The following MKRN2OS variants were observed in gnomAD, a reference collection of about 807,000 sequenced individuals.
MKRN2OS encodes the protein MKRN2 opposite strand protein.
In MKRN2OS, 17 loss-of-function variants were observed where a neutral mutation model predicts 18.2. The ratio of observed to expected loss-of-function variants is 0.93; its 90% CI spans 0.64 to 1.40. The LOEUF (loss-of-function observed/expected upper bound fraction) is 1.40. Among genes scored for constraint, MKRN2OS ranks in the 40% most tolerant of loss-of-function variants. The pLI is 0.00. For synonymous variants in MKRN2OS, 121 were observed against 108.5 expected, an observed-to-expected ratio of 1.12 and a Z score of -0.72; for missense variants, 337 against 283.0, an observed-to-expected ratio of 1.19 and a Z score of -1.37.
At chr3:12,549,253 A>G (rs1252474201), upstream of MKRN2OS, among the ~76,000 whole-genome samples, 2 of 135,644 alleles carry the variant, frequency 1.5e-5, no homozygotes, top group Non-Finnish European at 3.2e-5. Context: ...TATGTTATTT[A>G]TTTGTTTGTT....
At chr3:12,551,474 A>T (rs941447614), downstream of MKRN2OS, among the ~76,000 whole-genome samples, 2 of 151,456 alleles carry the variant, frequency 1.3e-5, no homozygotes, top group Non-Finnish European at 3.0e-5. Flanking sequence ...CAGCCTGGGC[A>T]ACAGAGCAAG....
At chr3:12,559,389 G>C (rs1336650751) in intron 1 of MKRN2OS, among the ~76,000 whole-genome samples, 2 of 152,006 alleles carry the variant, frequency 1.3e-5, no homozygotes, top group Admixed American at 6.6e-5. Context: ...GATTTATTTT[G>C]GGGACCAGAT....
At chr3:12,545,216 A>G (rs2057868918) in intron 1 of MKRN2OS, 31 bp downstream of exon 1, 1 of 1,455,096 alleles carries the variant, frequency 6.9e-7, no homozygotes, top group Non-Finnish European at 9.2e-7. Context: ...AGTTTGCACA[A>G]TGCAATTTAA....
At chr3:12,542,984 T>C (rs554628657) in intron 2 of MKRN2OS, among the ~76,000 whole-genome samples, 196 bp downstream of exon 2, 10 of 152,330 alleles carry the variant, frequency 6.6e-5, no homozygotes, top group African/African-American at 2.4e-4. Context: ...CTTTCAAATA[T>C]TTTGTATTGT....
At chr3:12,560,832 T>C (rs2058031138) in exon 1 of MKRN2OS, 1 of 152,192 alleles carries the variant, frequency 6.6e-6, no homozygotes, top group Non-Finnish European at 1.5e-5. Context: ...CTCAGTCGTC[T>C]CTCTTGGAAG....
intron 1 of MKRN2OS, among the ~76,000 whole-genome samples, chr3:12,555,715 T>A (rs1468248422): frequency 6.6e-6 from 1 of 152,176 alleles, no homozygotes; most frequent in Non-Finnish European, 1.5e-5. Flanking sequence ...GGAAGGACCA[T>A]AAGGAAGCCC....
chr3:12,552,548 A>T (rs2057937261), downstream of MKRN2OS, among the ~76,000 whole-genome samples: 1 of 150,764 alleles, frequency 6.6e-6, no homozygotes, highest in Non-Finnish European at 1.5e-5. Context: ...AGTAGCTGGG[A>T]TTACAGGCAT....
chr3:12,541,939 G>A lies in MKRN2OS; in HGVS notation c.352C>T (p.Pro118Ser), dbSNP rs1206599025. 1 of 1,535,996 alleles carries A rather than the reference G, an allele frequency of 6.5e-7. No homozygotes were observed. The highest frequency in any genetic ancestry group is 1.4e-5 in the African/African-American group (1 of 73,116). Residue 118 changes from proline to serine, a missense_variant, in exon 3 of 4, where the codon CCC becomes TCC. Pro to Ser is a moderately conservative substitution (Grantham distance 74). Transcript: ENST00000564146. ...TGCTCCATCATTCCATACATGTTGG[G>A]CTGCAGTAATGGGATGCTTATGCTC... ...EESISIPLLQ[P>S]NMYGMMEQWD... is the part of the protein sequence containing the mutation.
chr3:12,542,771 C>T (rs1315485382), intron 2 of MKRN2OS, among the ~76,000 whole-genome samples: 2 of 150,578 alleles, frequency 1.3e-5, no homozygotes, highest in Non-Finnish European at 2.9e-5. Flanking sequence ...TTACTCCTGA[C>T]GTCCCTAGAA....
chr3:12,557,204 G>T, intron 1 of MKRN2OS: 2 of 1,532,512 alleles, frequency 1.3e-6, no homozygotes. Flanking sequence ...AGGAGCTTCG[G>T]GCCGCTCCCC....
chr3:12,560,797 G>A (rs937972699), exon 1 of MKRN2OS: 4 of 152,228 alleles, frequency 2.6e-5, no homozygotes, highest in African/African-American at 4.8e-5. Flanking sequence ...CCACCTAGTC[G>A]TCTCTCCCCT....
At chr3:12,546,204 CATAA>C (rs527912472), upstream of MKRN2OS, among the ~76,000 whole-genome samples, 155 of 152,266 alleles carry the variant, frequency 1.0e-3, no homozygotes, top group Non-Finnish European at 2.0e-3. Context: ...TTTGTTGTTG[CATAA>C]ATAAATCCTT....
At chr3:12,557,042 T>TGCGCCGGCGTGCGCCGGCGG in intron 1 of MKRN2OS, 1 of 781,732 alleles carries the variant, frequency 1.3e-6, no homozygotes, top group Non-Finnish European at 1.6e-6. Context: ...TGCGCCGGCG[T>TGCGCCGGCGTGCGCCGGCGG]GCGCCGGCGT....
chr3:12,557,042 T>TGCGCCGGCGG, intron 1 of MKRN2OS: 9 of 781,716 alleles, frequency 1.2e-5, no homozygotes, highest in Non-Finnish European at 1.3e-5. Context: ...TGCGCCGGCG[T>TGCGCCGGCGG]GCGCCGGCGT....
At chr3:12,542,758 G>C (rs920652908) in intron 2 of MKRN2OS, among the ~76,000 whole-genome samples, 1 of 149,978 alleles carries the variant, frequency 6.7e-6, no homozygotes, top group Non-Finnish European at 1.5e-5. Flanking sequence ...ACCACATCCT[G>C]CTTTACTCCT....
At chr3:12,548,538 A>G (rs1278219552), upstream of MKRN2OS, among the ~76,000 whole-genome samples, 3 of 150,848 alleles carry the variant, frequency 2.0e-5, no homozygotes, top group Middle Eastern at 3.5e-3. Flanking sequence ...AGGCTGAGAC[A>G]GGAGAATCGC....
rs12496109 is a variant in MKRN2OS at position 12,543,200 on chromosome 3, A to G, written c.248T>C (p.Val83Ala). The G allele has an allele frequency of 0.014, 20,880 of 1,535,804 alleles. 209 individuals carry two copies. Among genetic ancestry groups the G allele is most frequent in the Admixed American group, 0.04 (2,013 of 50,958 alleles). The change falls in exon 2 of 4, where the codon GTT becomes GCT. Residue 83 changes from valine to alanine, a missense_variant. Coordinates refer to ENST00000564146, the MANE Select transcript of MKRN2OS (RefSeq NM_001195279.2). ...REYDGRSDLH[V>A]GITNTNGVVY... ...CTTACCATTTGTGTTAGTTATTCCA[A>G]CATGAAGATCAGACCTTCCATCATA...
At position 12,540,374 on chromosome 3, in the gene MKRN2OS, A is replaced by C; in HGVS notation, c.491T>G (p.Leu164Arg). ...CAGTTGCTGTCTACCTTCTGCCATC[A>C]GAACGCAGTTAATGAACGTGAGTGC... ...SYALTFINCV[L>R]MAEGRQQLDK... The change falls in exon 4 of 4, where the codon CTG becomes CGG. Residue 164 changes from leucine to arginine, a missense_variant. Leu to Arg is a moderately radical substitution (Grantham distance 102, BLOSUM62 -2). Coordinates refer to ENST00000564146, the MANE Select transcript of MKRN2OS (RefSeq NM_001195279.2). 6.5e-7 allele frequency: 1 copy of C among 1,536,150 alleles called. No individual in the cohort carries two copies. The highest frequency in any genetic ancestry group is 8.7e-7 in the Non-Finnish European group (1 of 1,146,912).
upstream of MKRN2OS, among the ~76,000 whole-genome samples, chr3:12,550,343 G>A (rs143342125): frequency 2.1e-3 from 318 of 152,310 alleles, no homozygotes; most frequent in Non-Finnish European, 3.6e-3. Context: ...TAAAAAGGCT[G>A]TATACGGTAT....
Sources: allele counts gnomAD v4.1 joint callset (sites outside exome capture counted in the v4.1 genomes callset), GRCh38; gene constraint gnomAD v4.1.1; transcripts MANE v1.5; gene names NCBI Gene and HGNC (gene_info 2026-07-23, HGNC 2026-07-21).